Variants in NOL4L observed in about 807,000 individuals in gnomAD.
The protein encoded by NOL4L is nucleolar protein 4-like.
In NOL4L, 7 loss-of-function variants were observed where a neutral mutation model predicts 64.5. The ratio of observed to expected loss-of-function variants is 0.11; its 90% confidence interval spans 0.06 to 0.20. NOL4L has a LOEUF of 0.20. NOL4L is among the 10% of genes least tolerant of loss of function. NOL4L has a pLI of 1.00. For synonymous variants in NOL4L, 413 were observed against 401.0 expected (o/e 1.03, Z -0.36); for missense variants, 680 against 967.1 (o/e 0.70, Z 3.94).
intron 6 of NOL4L, among the ~76,000 whole-genome samples, chr20:32,455,714 C>G (rs2013432594): frequency 6.6e-6 from 1 of 152,168 alleles, no homozygotes; most frequent in Non-Finnish European, 1.5e-5. Context: ...TTTCGCACGA[C>G]CTATAAAATG....
At chr20:32,491,666 C>CT (rs773988785) in intron 4 of NOL4L, among the ~76,000 whole-genome samples, 20 of 152,202 alleles carry the variant, frequency 1.3e-4, no homozygotes, top group Non-Finnish European at 2.4e-4. Context: ...ACGGGCCACA[C>CT]TTTGTAACTC....
chr20:32,523,518 A>G (rs2018017694), intron 2 of NOL4L, among the ~76,000 whole-genome samples: 1 of 152,194 alleles, frequency 6.6e-6, no homozygotes, highest in African/African-American at 2.4e-5. Context: ...GGACCACAGA[A>G]TGAGTCGAAA....
At chr20:32,505,538 G>A (rs987086030) in intron 4 of NOL4L, among the ~76,000 whole-genome samples, 38 of 152,202 alleles carry the variant, frequency 2.5e-4, no homozygotes, top group Admixed American at 2.2e-3. Flanking sequence ...ACAACATGGC[G>A]AAACCACATC....
intron 1 of NOL4L, among the ~76,000 whole-genome samples, chr20:32,534,953 A>G (rs2018467972): frequency 6.6e-6 from 1 of 151,748 alleles, no homozygotes; most frequent in Non-Finnish European, 1.5e-5. Flanking sequence ...GTAAAGTCTC[A>G]TTTCAGCTCC....
chr20:32,518,945 A>T (rs992659684), intron 3 of NOL4L, among the ~76,000 whole-genome samples: 2 of 152,202 alleles, frequency 1.3e-5, no homozygotes, highest in African/African-American at 2.4e-5. Context: ...CAGCATTATA[A>T]CAGGAACCGC....
At chr20:32,448,257 A>G (rs562693654) in intron 10 of NOL4L, among the ~76,000 whole-genome samples, 158 of 152,236 alleles carry the variant, frequency 1.0e-3, no homozygotes, top group African/African-American at 3.7e-3. Context: ...CTGGAAGGGG[A>G]GATGGTGTGC....
chr20:32,547,966 C>T (rs1420250917), intron 1 of NOL4L, among the ~76,000 whole-genome samples: 1 of 152,204 alleles, frequency 6.6e-6, no homozygotes, highest in African/African-American at 2.4e-5. Flanking sequence ...AATGTCCTCT[C>T]TCTCCCCAGG....
At chr20:32,486,640 T>TA (rs111823457) in intron 4 of NOL4L, 11,893 of 331,206 alleles carry the variant, frequency 0.036, 99 homozygotes, top group Admixed American at 0.13. Context: ...GTCAAAACAT[T>TA]AAAAAAAAAA....
chr20:32,543,799 C>CA (rs112983390), intron 1 of NOL4L, among the ~76,000 whole-genome samples: 2,200 of 142,354 alleles, frequency 0.015, 20 homozygotes, highest in African/African-American at 0.02. Context: ...CAGAAAAAAA[C>CA]AAAAAAAAAA....
At position 32,506,963 on chromosome 20, in the gene NOL4L, AC is replaced by A. The variant is rs139787949; in HGVS notation, c.699+4383del. Among the ~76,000 whole-genome samples, 331 of 152,166 alleles carry A rather than the reference AC, an allele frequency of 2.2e-3. 3 individuals are homozygous for A. The highest frequency in any genetic ancestry group is 7.6e-3 in the African/African-American group (315 of 41,502). On this transcript the variant is annotated intron_variant, in intron 4 of 10. Coordinates refer to ENST00000621426, the MANE Select transcript of NOL4L (RefSeq NM_001256798.2). ...ACACACTGCTGTGAGGACCATTAAAACCATTAGCGGGACATTAGCTCTGCTC... is the reference window on the plus strand; with the variant it reads ...ACACACTGCTGTGAGGACCATTAAAACATTAGCGGGACATTAGCTCTGCTC...
intron 1 of NOL4L, chr20:32,573,866 CT>C: frequency 6.5e-6 from 1 of 153,770 alleles, no homozygotes; most frequent in Non-Finnish European, 1.4e-5. Context: ...AGCTGCCTCC[CT>C]TCTTCTCTCC....
In NOL4L at chr20:32,585,283, G is replaced by A. The variant is rs1980815053; in HGVS notation, c.-393C>T. ...GAGCGCTGGGAGCGAGACCGAGCCT[G>A]GGCGCGGGCGGCAGCAGTGGCTGTC... On this transcript the variant is annotated 5_prime_UTR_variant, in exon 1 of 11. Transcript: ENST00000621426. 6.0e-5 allele frequency among the ~76,000 whole-genome samples: 9 copies of A among 148,868 alleles called. No individual in the cohort carries two copies. The highest frequency in any genetic ancestry group is 6.0e-4 in the Admixed American group (9 of 15,056).
intron 2 of NOL4L, among the ~76,000 whole-genome samples, chr20:32,525,502 TAAC>T (rs930531909): frequency 7.2e-5 from 11 of 152,190 alleles, no homozygotes; most frequent in African/African-American, 2.7e-4. Flanking sequence ...AAAATGGAGG[TAAC>T]AACAGCACCT....
intron 3 of NOL4L, among the ~76,000 whole-genome samples, chr20:32,512,683 G>A (rs2017461660): frequency 6.6e-6 from 1 of 151,860 alleles, no homozygotes; most frequent in African/African-American, 2.4e-5. Flanking sequence ...ATTCCAGTCT[G>A]CTTTTAAAAA....
chr20:32,582,322 G>T (rs1453405565), intron 1 of NOL4L, among the ~76,000 whole-genome samples: 1 of 152,280 alleles, frequency 6.6e-6, no homozygotes, highest in East Asian at 1.9e-4. Context: ...GAGAGCCAGG[G>T]TGGAGACTGG....
chr20:32,476,198 G>GACACACACACACACACAC (rs1167969757), intron 4 of NOL4L, among the ~76,000 whole-genome samples: 2 of 140,978 alleles, frequency 1.4e-5, no homozygotes, highest in East Asian at 2.1e-4. Context: ...CACCCGGAGG[G>GACACACACACACACACAC]ACACACACAC....
In NOL4L at chr20:32,444,668, CCTT is replaced by C. The variant is rs749062221; in HGVS notation, c.*2925_*2927del. 1 of 152,212 alleles carries C rather than the reference CCTT, an allele frequency of 6.6e-6. No homozygotes were observed. The highest frequency in any genetic ancestry group is 1.5e-5 in the Non-Finnish European group (1 of 68,052). The allele number at this position is 152,212 out of a possible 1,614,324, so 9.4% of individuals were successfully genotyped here. A position where few individuals can be genotyped will look rare whatever the true frequency, so the allele number is the denominator to read the frequency against. On this transcript the variant is annotated 3_prime_UTR_variant, in exon 11 of 11. Transcript: ENST00000621426. ...CCAATGCCCACTTCTCTGATGCTAC[CCTT>C]CTTGTGGGATTAGCCTCCTGCAAAG...
At chr20:32,507,532 C>T (rs1286329092) in intron 4 of NOL4L, among the ~76,000 whole-genome samples, 3 of 152,200 alleles carry the variant, frequency 2.0e-5, no homozygotes, top group Non-Finnish European at 4.4e-5. Flanking sequence ...CTACAAGTAA[C>T]ATGATTCTGT....
chr20:32,447,761 C>CGTGGGGGTG lies in NOL4L; in HGVS notation c.1869_1877dup (p.Thr624_Thr626dup). On this transcript the variant is annotated inframe_insertion, in exon 11 of 11. Transcript: ENST00000621426. ...TGGTGCTGGTGCTGGAGGGGGTGGG[C>CGTGGGGGTG]GTGGGGGTGGTGGAGGTGGTAGAGG... 9.3e-7 allele frequency: 1 copy of CGTGGGGGTG among 1,077,774 alleles called. No homozygotes were observed. Among genetic ancestry groups the CGTGGGGGTG allele is most frequent in the Non-Finnish European group, 1.3e-6 (1 of 780,434 alleles). The allele number at this position is 1,077,774 out of a possible 1,614,324, so 66.8% of individuals were successfully genotyped here.
Sources: allele counts gnomAD v4.1 joint callset (sites outside exome capture counted in the v4.1 genomes callset), GRCh38; gene constraint gnomAD v4.1.1; transcripts MANE v1.5; gene names NCBI Gene and HGNC (gene_info 2026-07-23, HGNC 2026-07-21).